DAGLB: variants seen among roughly 807,000 people sequenced by gnomAD.
The protein encoded by DAGLB is diacylglycerol lipase beta.
A neutral mutation model predicts 72.1 loss-of-function variants in DAGLB; 66 were observed. The ratio of observed to expected loss-of-function variants is 0.92; its 90% confidence interval spans 0.75 to 1.12. DAGLB has a LOEUF of 1.12. Among genes scored for constraint, DAGLB ranks in the 50% most tolerant of loss-of-function variants. DAGLB has a pLI of 0.00. For missense variants in DAGLB, 1,065 were observed against 884.9 expected, an observed-to-expected ratio of 1.20 and a Z score of -2.58; for synonymous variants, 414 against 359.5, an observed-to-expected ratio of 1.15 and a Z score of -1.71.
Position 6,409,762 on chromosome 7 carries a change from C to G in DAGLB, c.*75G>C. The stretch of plus-strand genomic sequence containing the variant: ...ATTCGCTGTTTTGGCGTCATGGGAA[C>G]TCCTCGGATGGTAAGTCAGTTTAAG... On this transcript the variant is annotated 3_prime_UTR_variant, in exon 15 of 15. Coordinates refer to ENST00000297056, the MANE Select transcript of DAGLB (RefSeq NM_139179.4). 1.3e-6 allele frequency: 2 copies of G among 1,510,698 alleles called. No individual in the cohort carries two copies. The highest frequency in any genetic ancestry group is 4.7e-5 in the East Asian group (2 of 42,922). The allele number at this position is 1,510,698 out of a possible 1,614,324, so 93.6% of individuals were successfully genotyped here. A position where few individuals can be genotyped will look rare whatever the true frequency, so the allele number is the denominator to read the frequency against.
intron 2 of DAGLB, among the ~76,000 whole-genome samples, chr7:6,443,674 T>C (rs546721555): frequency 5.9e-5 from 9 of 152,108 alleles, no homozygotes; most frequent in Admixed American, 5.2e-4. Context: ...ATGCCGTCAC[T>C]CACTGTATCA....
intron 5 of DAGLB, among the ~76,000 whole-genome samples, chr7:6,432,438 A>G (rs1156278902): frequency 6.6e-6 from 1 of 151,326 alleles, no homozygotes; most frequent in African/African-American, 2.4e-5. Flanking sequence ...TGGGCAGATC[A>G]TGAGGTGAAG....
chr7:6,414,478 A>C (rs1010308489), intron 11 of DAGLB, among the ~76,000 whole-genome samples: 4 of 150,748 alleles, frequency 2.7e-5, no homozygotes, highest in South Asian at 4.2e-4. Flanking sequence ...ACGTCCAGCT[A>C]ATTTTTGTAA....
intron 8 of DAGLB, 92 bp from the exon 9 acceptor site, chr7:6,421,896 AGGATGGCGG>A (rs746281306): frequency 1.4e-6 from 2 of 1,387,822 alleles, no homozygotes; most frequent in East Asian, 4.8e-5. Context: ...ACTTCTGTGG[AGGATGGCGG>A]GGATGGCACC....
rs1784532710 is a variant in DAGLB at position 6,432,845 on chromosome 7, T to C, written c.793A>G (p.Ser265Gly). Reference sequence around the variant, plus strand: ...CATGAAGCCAGGCTCACCTGGGAGCTCCCTGGGGCATGGCAGACCACCTGG... The same window carrying C: ...CATGAAGCCAGGCTCACCTGGGAGCCCCCTGGGGCATGGCAGACCACCTGG... ...PAQVVCHAPG[S>G]SQEADLDAEL... The change falls in exon 5 of 15, where the codon AGC (serine) becomes GGC (glycine). Residue 265 changes from serine (S) to glycine (G), a missense_variant. Coordinates refer to ENST00000297056, the MANE Select transcript of DAGLB (RefSeq NM_139179.4). The C allele has an allele frequency of 1.9e-6, 3 of 1,613,478 alleles. No homozygotes were observed. The highest frequency in any genetic ancestry group is 2.5e-6 in the Non-Finnish European group (3 of 1,179,926).
chr7:6,416,243 G>A (rs567096893), intron 11 of DAGLB: 4 of 163,264 alleles, frequency 2.5e-5, no homozygotes, highest in Non-Finnish European at 4.0e-5. Context: ...GTGAAATAGC[G>A]CTTCAAAACA....
At chr7:6,447,656 T>C in intron 1 of DAGLB, 92 bp downstream of exon 1, 1 of 1,489,406 alleles carries the variant, frequency 6.7e-7, no homozygotes, top group East Asian at 2.5e-5. Flanking sequence ...CGACAGTGCT[T>C]GGGAAGCCAC....
In DAGLB at chr7:6,431,754, A is replaced by G. The variant is rs1394619249; in HGVS notation, c.801+1083T>C. The stretch of plus-strand genomic sequence containing the variant: ...GCCATTGCACTCCAGCCTGGGTGAC[A>G]GAGACTCTGTCTCAAAAAATAAAAT... On this transcript the variant is annotated intron_variant, in intron 5 of 14. Coordinates refer to ENST00000297056, the MANE Select transcript of DAGLB (RefSeq NM_139179.4). Among the ~76,000 whole-genome samples the G allele has an allele frequency of 2.6e-5, 4 of 152,306 alleles. No individual in the cohort carries two copies. In the East Asian group the frequency reaches 5.8e-4, roughly 22 times the overall value.
In DAGLB at chr7:6,410,118, C is replaced by A. The variant is rs371193609; in HGVS notation, c.1820+12G>T. ...TCCTGCCTGCCCACCACACCCACCACGCCGCACTCACCGCCCCGAGGCGCC... is the reference window on the plus strand; with the variant it reads ...TCCTGCCTGCCCACCACACCCACCAAGCCGCACTCACCGCCCCGAGGCGCC... On this transcript the variant is annotated intron_variant, in intron 14 of 14. Transcript: ENST00000297056. 2.3e-5 allele frequency: 36 copies of A among 1,576,224 alleles called. No individual in the cohort carries two copies. In the Admixed American group the frequency reaches 6.1e-4, roughly 27 times the overall value.
intron 2 of DAGLB, among the ~76,000 whole-genome samples, chr7:6,444,127 A>G (rs957938124): frequency 6.6e-6 from 1 of 152,126 alleles, no homozygotes; most frequent in Non-Finnish European, 1.5e-5. Context: ...AAAAAAAATT[A>G]GCCAGGTATG....
At chr7:6,434,231 G>A (rs540313508) in intron 4 of DAGLB, among the ~76,000 whole-genome samples, 1 of 104,404 alleles carries the variant, frequency 9.6e-6, no homozygotes, top group South Asian at 3.3e-4. Flanking sequence ...ATGACACGCT[G>A]CATGTGAAAA....
chr7:6,433,851 CAAA>C (rs35042230), intron 4 of DAGLB, among the ~76,000 whole-genome samples: 165 of 127,844 alleles, frequency 1.3e-3, no homozygotes, highest in African/African-American at 2.4e-3. Flanking sequence ...GACCTTGTCT[CAAA>C]AAAAAAAAAA....
chr7:6,427,635 T>C (rs1250318076), intron 6 of DAGLB, among the ~76,000 whole-genome samples: 1 of 151,948 alleles, frequency 6.6e-6, no homozygotes, highest in Non-Finnish European at 1.5e-5. Flanking sequence ...TTAAAATAAA[T>C]ACATAGGCGT....
intron 6 of DAGLB, among the ~76,000 whole-genome samples, chr7:6,428,560 C>A (rs147622274): frequency 6.6e-6 from 1 of 151,304 alleles, no homozygotes; most frequent in African/African-American, 2.4e-5. Flanking sequence ...GATCTCCACT[C>A]ACTGCAACCT....
intron 8 of DAGLB, among the ~76,000 whole-genome samples, chr7:6,423,873 G>A (rs1054930859): frequency 6.6e-6 from 1 of 152,166 alleles, no homozygotes; most frequent in African/African-American, 2.4e-5. Context: ...AGGCGCCACT[G>A]CTTCTTAAAT....
At chr7:6,444,517 A>T (rs1316783670) in intron 2 of DAGLB, among the ~76,000 whole-genome samples, 1 of 151,568 alleles carries the variant, frequency 6.6e-6, no homozygotes, top group Non-Finnish European at 1.5e-5. Flanking sequence ...CACAAGAATC[A>T]CTTGAACCCA....
At chr7:6,411,737 T>TA (rs1256528435) in intron 13 of DAGLB, among the ~76,000 whole-genome samples, 1 of 152,184 alleles carries the variant, frequency 6.6e-6, no homozygotes, top group Non-Finnish European at 1.5e-5. Context: ...ATTAAACAAG[T>TA]AAAAATCATC....
At chr7:6,430,288 GGGGA>G (rs1231670088) in intron 6 of DAGLB, among the ~76,000 whole-genome samples, 188 bp downstream of exon 6, 5 of 92,710 alleles carry the variant, frequency 5.4e-5, no homozygotes, top group East Asian at 4.2e-4. Flanking sequence ...TATATGCAGG[GGGGA>G]GGGAGGGAGG....
At chr7:6,410,880 ATTTTTT>A (rs35960882) in intron 13 of DAGLB, among the ~76,000 whole-genome samples, 3 of 98,234 alleles carry the variant, frequency 3.1e-5, no homozygotes, top group Non-Finnish European at 5.7e-5. Context: ...AATTTTTTGT[ATTTTTT>A]TTTTTTTTTT....
Sources: allele counts gnomAD v4.1 joint callset (sites outside exome capture counted in the v4.1 genomes callset), GRCh38; gene constraint gnomAD v4.1.1; transcripts MANE v1.5; gene names NCBI Gene and HGNC (gene_info 2026-07-23, HGNC 2026-07-21).